The following RARB variants were observed in gnomAD, a reference collection of about 807,000 sequenced individuals.
RARB encodes HBV-activated protein.
A neutral mutation model predicts 51.9 loss-of-function variants in RARB; 17 were observed. That is an observed-to-expected ratio of 0.33 (90% CI 0.22 to 0.49). The LOEUF is 0.49. RARB is among the 20% of genes least tolerant of loss of function. The pLI, the probability that RARB is intolerant of heterozygous loss-of-function variation, is 0.99. For missense variants in RARB, 369 were observed against 550.8 expected, an observed-to-expected ratio of 0.67 and a Z score of 3.30; for synonymous variants, 215 against 195.4, an observed-to-expected ratio of 1.10 and a Z score of -0.84.
At chr3:25,097,082 G>T (rs1239397631) in intron 3 of RARB, among the ~76,000 whole-genome samples, 1 of 152,090 alleles carries the variant, frequency 6.6e-6, no homozygotes, top group African/African-American at 2.4e-5. Flanking sequence ...AGCTAAATGG[G>T]TGCAAGTGAC....
At chr3:25,459,270 A>C (rs894478230) in intron 1 of RARB, among the ~76,000 whole-genome samples, 2 of 152,220 alleles carry the variant, frequency 1.3e-5, no homozygotes, top group African/African-American at 4.8e-5. Flanking sequence ...AGGTCTGAGA[A>C]TATCTAGAAA....
At chr3:25,175,343 A>G (rs1168279151) in intron 5 of RARB, among the ~76,000 whole-genome samples, 4 of 152,196 alleles carry the variant, frequency 2.6e-5, no homozygotes, top group African/African-American at 4.8e-5. Flanking sequence ...AGGCATATTT[A>G]TTTAACAACA....
At chr3:25,180,734 T>C (rs1700844628) in intron 5 of RARB, among the ~76,000 whole-genome samples, 1 of 152,098 alleles carries the variant, frequency 6.6e-6, no homozygotes, top group African/African-American at 2.4e-5. Context: ...ATCTTTGTAA[T>C]TTTATGTAGA....
At chr3:25,070,191 C>T (rs187014001) in intron 3 of RARB, among the ~76,000 whole-genome samples, 2 of 152,324 alleles carry the variant, frequency 1.3e-5, no homozygotes, top group East Asian at 3.9e-4. Context: ...TCTGTCTTTG[C>T]ATGGCTCTTA....
intron 5 of RARB, among the ~76,000 whole-genome samples, chr3:25,421,403 C>CTTTTTTTTTTTTTTTTTTT (rs766378555): frequency 8.3e-5 from 6 of 72,374 alleles, no homozygotes; most frequent in Non-Finnish European, 1.3e-4. Context: ...TTCTTCTTTT[C>CTTTTTTTTTTTTTTTTTTT]TTTTTTTTTT....
chr3:24,961,854 G>C (rs956381129), intron 2 of RARB, among the ~76,000 whole-genome samples: 12 of 148,176 alleles, frequency 8.1e-5, no homozygotes, highest in African/African-American at 2.5e-4. Flanking sequence ...AAAGCATTTT[G>C]GTTTTCTTAT....
At position 25,520,191 on chromosome 3, in the gene RARB, C is replaced by T. The variant is rs540365579; in HGVS notation, c.448+18868C>T. On this transcript the variant is annotated intron_variant, in intron 3 of 7. Coordinates refer to ENST00000330688, the MANE Select transcript of RARB (RefSeq NM_000965.5). Reference sequence around the variant, plus strand: ...CTGGCCCTTTAAGGAAAAAGTTTTGCCAACCCTTGCCATATTCACTCTTAA... The same window carrying T: ...CTGGCCCTTTAAGGAAAAAGTTTTGTCAACCCTTGCCATATTCACTCTTAA... 3.3e-5 allele frequency among the ~76,000 whole-genome samples: 5 copies of T among 152,302 alleles called. No individual in the cohort carries two copies. The East Asian group carries it at 9.6e-4, about 29-fold the overall frequency.
At chr3:24,955,271 G>A (rs182601245) in intron 2 of RARB, among the ~76,000 whole-genome samples, 10 of 152,146 alleles carry the variant, frequency 6.6e-5, no homozygotes, top group East Asian at 3.9e-4. Context: ...GTTAAGCTGC[G>A]TCTGTCTGTA....
chr3:25,093,905 T>G (rs1699246824), intron 3 of RARB, among the ~76,000 whole-genome samples: 1 of 152,116 alleles, frequency 6.6e-6, no homozygotes, highest in African/African-American at 2.4e-5. Context: ...AATGCTAGCC[T>G]CCAAATTTTC....
chr3:24,979,901 G>A (rs1696605821), intron 2 of RARB, among the ~76,000 whole-genome samples: 1 of 152,198 alleles, frequency 6.6e-6, no homozygotes, highest in Non-Finnish European at 1.5e-5. Flanking sequence ...TGTTTTTGCA[G>A]TAGCTGGTAT....
intron 2 of RARB, among the ~76,000 whole-genome samples, chr3:25,486,639 C>T (rs1477043605): frequency 6.6e-6 from 1 of 152,172 alleles, no homozygotes; most frequent in African/African-American, 2.4e-5. Context: ...TCTGTATATA[C>T]CCTACCATCA....
chr3:25,454,310 A>G (rs1490203393), intron 1 of RARB, among the ~76,000 whole-genome samples: 1 of 152,206 alleles, frequency 6.6e-6, no homozygotes, highest in Non-Finnish European at 1.5e-5. Flanking sequence ...TCCACAGAAA[A>G]AGGGAGAAAA....
intron 2 of RARB, among the ~76,000 whole-genome samples, chr3:24,910,234 T>C (rs1271072847): frequency 6.6e-6 from 1 of 152,156 alleles, no homozygotes; most frequent in Admixed American, 6.5e-5. Context: ...CTTAGGGAAA[T>C]TGGGGGTGCT....
intron 5 of RARB, among the ~76,000 whole-genome samples, chr3:25,205,853 C>A (rs1701527036): frequency 6.6e-6 from 1 of 152,024 alleles, no homozygotes; most frequent in Admixed American, 6.6e-5. Flanking sequence ...AATGATCCTC[C>A]CACCTCAGCT....
At chr3:25,233,665 A>G (rs1353261987) in intron 5 of RARB, among the ~76,000 whole-genome samples, 1 of 152,016 alleles carries the variant, frequency 6.6e-6, no homozygotes, top group Non-Finnish European at 1.5e-5. Context: ...CATGAAACCC[A>G]TATAAGCTAT....
rs749464159 is a variant in RARB, at chr3:25,285,110, G to A, written c.178+110535G>A. On this transcript the variant is annotated intron_variant, in intron 5 of 11. Transcript: ENST00000383772. The stretch of plus-strand genomic sequence containing the variant: ...CCCTCATGGGGCTTCCAGTTTAATA[G>A]CTGAGAGCATCATTACCTCAATGAT... Among the ~76,000 whole-genome samples, 307 of 152,274 alleles carry A rather than the reference G, an allele frequency of 2.0e-3. 3 individuals carry two copies. Among genetic ancestry groups the A allele is most frequent in the Non-Finnish European group, 2.5e-3 (171 of 68,018 alleles).
At chr3:24,912,267 T>C (rs1415836515) in intron 2 of RARB, among the ~76,000 whole-genome samples, 1 of 152,222 alleles carries the variant, frequency 6.6e-6, no homozygotes, top group East Asian at 1.9e-4. Flanking sequence ...TCTTCCATGT[T>C]TTATCTATCT....
chr3:25,477,207 G>A (rs1695996017), intron 2 of RARB, among the ~76,000 whole-genome samples: 1 of 152,202 alleles, frequency 6.6e-6, no homozygotes, highest in African/African-American at 2.4e-5. Flanking sequence ...TTCTAGGAAA[G>A]TAAATGCTCA....
Position 25,142,588 on chromosome 3 carries a change from A to ATT in RARB, c.-280+10393_-280+10394dup, listed in dbSNP as rs34526859. ...CCCAATGCAGGAAATCACTGCCTGT[A>ATT]TTTTTTTTTTTTTTGGTAAATATCC... On this transcript the variant is annotated intron_variant, in intron 4 of 11. Transcript: ENST00000383772. Among the ~76,000 whole-genome samples, 25 of 146,222 alleles carry ATT rather than the reference A, an allele frequency of 1.7e-4. 1 individual carries two copies. The highest frequency in any genetic ancestry group is 6.6e-4 in the South Asian group (3 of 4,576).
Sources: gnomAD v4.1 joint callset for allele counts (sites outside exome capture counted in the v4.1 genomes callset) on GRCh38, gnomAD v4.1.1 for gene constraint, MANE v1.5 for transcripts, NCBI Gene and HGNC (gene_info 2026-07-23, HGNC 2026-07-21) for gene names.